GSDMA: variants seen among roughly 807,000 people sequenced by gnomAD.
GSDMA encodes gasdermin A, also known as gasdermin-A.
A neutral mutation model predicts 54.3 loss-of-function variants in GSDMA; 55 were observed. The ratio of observed to expected loss-of-function variants is 1.01; its 90% CI spans 0.82 to 1.27. The LOEUF (loss-of-function observed/expected upper bound fraction) is 1.27. GSDMA is among the 50% of genes most tolerant of loss of function. The pLI is 0.00. For synonymous variants in GSDMA, 211 were observed against 224.7 expected (o/e 0.94, Z 0.54); for missense variants, 542 against 542.6 (o/e 1.00, Z 0.01).
At chr17:39,970,681 A>T (rs200588977) in intron 4 of GSDMA, 34 bp downstream of exon 4, 7 of 1,023,168 alleles carry the variant, frequency 6.8e-6, no homozygotes, top group South Asian at 2.6e-5. Context: ...ACACACACAC[A>T]CACTCTCACA....
At chr17:39,972,985 T>G (rs911638264) in intron 7 of GSDMA, among the ~76,000 whole-genome samples, 1 of 151,934 alleles carries the variant, frequency 6.6e-6, no homozygotes, top group Non-Finnish European at 1.5e-5. Flanking sequence ...AAAAAATTTT[T>G]TTTTGGATGG....
At chr17:39,966,221 C>A (rs1464146377) in intron 2 of GSDMA, 39 bp from the exon 3 acceptor site, 3 of 1,608,792 alleles carry the variant, frequency 1.9e-6, no homozygotes, top group South Asian at 1.1e-5. Context: ...GTTACTGCAC[C>A]CAGCCAGCCC....
At chr17:39,970,142 G>C (rs55757004) in intron 3 of GSDMA, among the ~76,000 whole-genome samples, 45 of 151,904 alleles carry the variant, frequency 3.0e-4, no homozygotes, top group Middle Eastern at 3.4e-3. Context: ...AGGAAAGAGG[G>C]GGGGAGCATC....
chr17:39,971,548 G>A lies in GSDMA; in HGVS notation c.583G>A (p.Val195Ile). The change falls in exon 5 of 12, where the codon GTA (valine) becomes ATA (isoleucine). Residue 195 changes from valine to isoleucine, a missense_variant. By Grantham distance (29) the Val-to-Ile change is conservative. Coordinates refer to ENST00000301659, the MANE Select transcript of GSDMA (RefSeq NM_178171.5). ...GGGATCCATAAATCACAAGGAGGCT[G>A]TAACCATCCCCAAGGGCTGCGTCCT... ...LQGSINHKEA[V>I]TIPKGCVLAF... is the part of the protein sequence containing the mutation. 6.2e-7 allele frequency: 1 copy of A among 1,613,716 alleles called. No homozygotes were observed. The highest frequency in any genetic ancestry group is 1.1e-5 in the South Asian group (1 of 91,078).
chr17:39,966,846 C>A (rs936639851), intron 3 of GSDMA, among the ~76,000 whole-genome samples: 2 of 152,232 alleles, frequency 1.3e-5, no homozygotes, highest in Non-Finnish European at 2.9e-5. Flanking sequence ...TGTGTCTTAA[C>A]TGCCCCCAGC....
intron 3 of GSDMA, among the ~76,000 whole-genome samples, chr17:39,969,000 C>T (rs906085660): frequency 6.6e-6 from 1 of 151,998 alleles, no homozygotes; most frequent in Non-Finnish European, 1.5e-5. Context: ...GAAATAAGGG[C>T]CTGGAGCTCA....
chr17:39,966,779 C>T (rs994528534), intron 3 of GSDMA, among the ~76,000 whole-genome samples: 2 of 152,158 alleles, frequency 1.3e-5, no homozygotes, highest in Non-Finnish European at 2.9e-5. Context: ...ATTGAATGAT[C>T]ATCTCTAAGG....
rs780681456 is a variant in GSDMA, at chr17:39,966,419, T to C, written c.374T>C (p.Leu125Pro). 1.9e-6 allele frequency: 3 copies of C among 1,609,740 alleles called. No homozygotes were observed. The highest frequency in any genetic ancestry group is 2.7e-5 in the African/African-American group (2 of 74,574). ...VQTLSVAPKA[L>P]ETVQERKLAA... Reference sequence around the variant, plus strand: ...ACACTCAGTGTGGCTCCCAAGGCCCTGGAGACCGTGCAGGAGAGGTGAGAG... The same window carrying C: ...ACACTCAGTGTGGCTCCCAAGGCCCCGGAGACCGTGCAGGAGAGGTGAGAG... The change falls in exon 3 of 12, where the codon CTG (leucine) becomes CCG (proline). Residue 125 changes from leucine to proline, a missense_variant. Physicochemically the swap from Leu to Pro is moderately conservative, Grantham distance 98. Coordinates refer to ENST00000301659, the MANE Select transcript of GSDMA (RefSeq NM_178171.5).
chr17:39,971,025 G>T (rs561825730), intron 4 of GSDMA, among the ~76,000 whole-genome samples: 2 of 152,326 alleles, frequency 1.3e-5, no homozygotes, highest in South Asian at 4.1e-4. Context: ...AGAGAACACA[G>T]GCTTGGAAAA....
At position 39,968,339 on chromosome 17, in the gene GSDMA, C is replaced by CTTTT. The variant is rs60315845; in HGVS notation, c.392+1925_392+1928dup. ...ACAGGCGTGAGCCACTGAGCCCGGT[C>CTTTT]TTTTTTTTTTTTTTTTTTTTTTTTT... On this transcript the variant is annotated intron_variant, in intron 3 of 11. Coordinates refer to ENST00000301659, the MANE Select transcript of GSDMA (RefSeq NM_178171.5). Among the ~76,000 whole-genome samples the CTTTT allele has an allele frequency of 3.6e-3, 148 of 41,362 alleles. 43 individuals are homozygous for CTTTT. The highest frequency in any genetic ancestry group is 0.018 in the African/African-American group (114 of 6,184). 27.1% of individuals were successfully genotyped at this position (41,362 alleles called of 152,430 possible). A position where few individuals can be genotyped will look rare whatever the true frequency, so the allele number is the denominator to read the frequency against.
chr17:39,972,128 G>T lies in GSDMA; in HGVS notation c.656-1G>T. 1.6e-6 allele frequency: 1 copy of T among 643,992 alleles called. No homozygotes were observed. The highest frequency in any genetic ancestry group is 2.6e-6 in the Non-Finnish European group (1 of 382,242). 39.9% of individuals were successfully genotyped at this position (643,992 alleles called of 1,614,324 possible). On this transcript the variant is annotated splice_acceptor_variant, in intron 5 of 11. Coordinates refer to ENST00000301659, the MANE Select transcript of GSDMA (RefSeq NM_178171.5). LOFTEE classifies it high-confidence loss of function. ...CACCCTCCCTCCCTTGCCCTTCACAGATATTCCACATATCTGCAATGATAA... is the reference window on the plus strand; with the variant it reads ...CACCCTCCCTCCCTTGCCCTTCACATATATTCCACATATCTGCAATGATAA...
At chr17:39,972,723 C>A in intron 7 of GSDMA, 110 bp downstream of exon 7, 1 of 980,090 alleles carries the variant, frequency 1.0e-6, no homozygotes. Context: ...GAGCGAATCT[C>A]AGCAAATAAT....
In GSDMA at chr17:39,972,613, CGTAA is replaced by C. The variant is rs773006217; in HGVS notation, c.730+3_730+6del. 5.0e-5 allele frequency: 80 copies of C among 1,611,852 alleles called. No homozygotes were observed. In the Middle Eastern group the frequency reaches 8.3e-4, roughly 17 times the overall value. On this transcript the variant is annotated splice_donor_variant and splice_donor_region_variant and intron_variant, in intron 7 of 11. Coordinates refer to ENST00000301659, the MANE Select transcript of GSDMA (RefSeq NM_178171.5). LOFTEE classifies it high-confidence loss of function. ...AAAGTCAGGAGAGGAGAAGGTCATC[CGTAA>C]GTGTTTCCTTTCATTCCACTGAAAC...
At position 39,975,910 on chromosome 17, in the gene GSDMA, C is replaced by CT. The variant is rs751726993; in HGVS notation, c.1022-7dup. 2.3e-5 allele frequency: 36 copies of CT among 1,581,520 alleles called. No individual in the cohort carries two copies. In the East Asian group the frequency reaches 3.2e-4, roughly 14 times the overall value. ...CACCAGCAACACACATCTTTCTCTG[C>CT]TTTTTTTCTCCAGAGCTAAGTGAAG... On this transcript the variant is annotated splice_polypyrimidine_tract_variant and intron_variant, in intron 10 of 11. Transcript: ENST00000301659.
chr17:39,970,473 C>T lies in GSDMA; in HGVS notation c.393-9C>T, dbSNP rs1174183003. 1.3e-6 allele frequency: 2 copies of T among 1,566,114 alleles called. No homozygotes were observed. Among genetic ancestry groups the T allele is most frequent in the Non-Finnish European group, 8.7e-7 (1 of 1,155,624 alleles). ...TCTGAACGGTTCCCTTATGTTTCTC[C>T]TGCAACAGGAAGCTGGCAGCAGACC... On this transcript the variant is annotated splice_polypyrimidine_tract_variant and intron_variant, in intron 3 of 11. Transcript: ENST00000301659.
Position 39,972,570 on chromosome 17 carries a change from A to G in GSDMA, c.704-17A>G. 1 of 1,612,280 alleles carries G rather than the reference A, an allele frequency of 6.2e-7. No individual in the cohort carries two copies. The highest frequency in any genetic ancestry group is 1.1e-5 in the South Asian group (1 of 90,642). ...ATGGGTTTTGTGCTGACAGATGTGC[A>G]TTTTTTCTGTCTTCAGAAAAGTCAG... On this transcript the variant is annotated splice_polypyrimidine_tract_variant and intron_variant, in intron 6 of 11. Coordinates refer to ENST00000301659, the MANE Select transcript of GSDMA (RefSeq NM_178171.5).
Position 39,970,495 on chromosome 17 carries a change from GACC to G in GSDMA, c.410_412del (p.His137del), listed in dbSNP as rs1979881702. 1.9e-6 allele frequency: 3 copies of G among 1,579,668 alleles called. No homozygotes were observed. Among genetic ancestry groups the G allele is most frequent in the South Asian group, 2.3e-5 (2 of 87,028 alleles). On this transcript the variant is annotated inframe_deletion, in exon 4 of 12. Coordinates refer to ENST00000301659, the MANE Select transcript of GSDMA (RefSeq NM_178171.5). Reference sequence around the variant, plus strand: ...CTCCTGCAACAGGAAGCTGGCAGCAGACCACCCATTCCTGAAGGAGATGCAAGA... The same window carrying G: ...CTCCTGCAACAGGAAGCTGGCAGCAGACCCATTCCTGAAGGAGATGCAAGA...
At position 39,977,544 on chromosome 17, in the gene GSDMA, G is replaced by C. The variant is rs113635844; in HGVS notation, c.*486G>C. 6.5e-6 allele frequency: 1 copy of C among 153,496 alleles called. No homozygotes were observed. The highest frequency in any genetic ancestry group is 1.4e-5 in the Non-Finnish European group (1 of 68,978). The allele number at this position is 153,496 out of a possible 1,614,324, so 9.5% of individuals were successfully genotyped here. On this transcript the variant is annotated 3_prime_UTR_variant, in exon 12 of 12. Coordinates refer to ENST00000301659, the MANE Select transcript of GSDMA (RefSeq NM_178171.5). The stretch of plus-strand genomic sequence containing the variant: ...TGGCCTCAAGTGATCTGCCCGCCTC[G>C]GCCTCCCAAAGTGCTGGGATTACAG...
At chr17:39,967,292 C>A (rs1393860092) in intron 3 of GSDMA, among the ~76,000 whole-genome samples, 1 of 152,172 alleles carries the variant, frequency 6.6e-6, no homozygotes, top group East Asian at 1.9e-4. Context: ...AAAGGGACTT[C>A]TGGCTGGGGA....
Sources: allele counts gnomAD v4.1 joint callset (sites outside exome capture counted in the v4.1 genomes callset), GRCh38; gene constraint gnomAD v4.1.1; transcripts MANE v1.5; gene names NCBI Gene and HGNC (gene_info 2026-07-23, HGNC 2026-07-21).